RPS6KA2: variants seen among roughly 807,000 people sequenced by gnomAD.
RPS6KA2 encodes the protein ribosomal protein S6 kinase A2, also known as ribosomal protein S6 kinase alpha-2.
RPS6KA2 carries 42 observed loss-of-function variants against 91.8 expected under a neutral mutation model. The ratio of observed to expected loss-of-function variants is 0.46; its 90% CI spans 0.36 to 0.59. The LOEUF (loss-of-function observed/expected upper bound fraction) is 0.59, where lower values mean the gene tolerates loss of function less well. RPS6KA2 is among the 20% of genes least tolerant of loss of function. The probability of loss-of-function intolerance (pLI) is 0.00; values close to 1 mark genes in which losing one functional copy is unlikely to be tolerated. For missense variants in RPS6KA2, 798 were observed against 978.5 expected, an observed-to-expected ratio of 0.82 and a Z score of 2.46; for synonymous variants, 414 against 393.6, an observed-to-expected ratio of 1.05 and a Z score of -0.61.
chr6:166,561,900 A>G (rs1228931875), intron 1 of RPS6KA2, among the ~76,000 whole-genome samples: 1 of 152,088 alleles, frequency 6.6e-6, no homozygotes, highest in Non-Finnish European at 1.5e-5. Flanking sequence ...GGGAGGAGAG[A>G]GCGGCCACCA....
upstream of RPS6KA2, among the ~76,000 whole-genome samples, chr6:166,630,846 T>C (rs568047358): frequency 1.6e-4 from 24 of 152,264 alleles, no homozygotes; most frequent in Non-Finnish European, 3.2e-4. Flanking sequence ...TTCTTGAATG[T>C]AGGAATTAGT....
At chr6:166,425,553 C>T (rs920808762) in intron 16 of RPS6KA2, among the ~76,000 whole-genome samples, 4 of 152,068 alleles carry the variant, frequency 2.6e-5, no homozygotes, top group South Asian at 2.1e-4. Context: ...ATTCAGGAAA[C>T]GCATCTCACG....
chr6:166,845,794 C>T (rs547175209), intron 2 of RPS6KA2, among the ~76,000 whole-genome samples: 43 of 151,976 alleles, frequency 2.8e-4, no homozygotes, highest in Non-Finnish European at 5.6e-4. Flanking sequence ...TAAGGTCACA[C>T]CTCAAGGAAC....
intron 2 of RPS6KA2, among the ~76,000 whole-genome samples, chr6:166,789,594 T>A (rs1255801699): frequency 6.6e-6 from 1 of 152,176 alleles, no homozygotes; most frequent in Non-Finnish European, 1.5e-5. Context: ...CCCGAGCAGC[T>A]TAACTGGGAG....
chr6:166,844,314 A>G (rs9366062), intron 2 of RPS6KA2, among the ~76,000 whole-genome samples: 89,368 of 152,068 alleles, frequency 0.59, 27,378 homozygotes, highest in Middle Eastern at 0.73. Flanking sequence ...TGTTCCCGAG[A>G]AAGAAGAGAA....
chr6:166,620,753 C>A (rs1786595738), intron 1 of RPS6KA2, among the ~76,000 whole-genome samples: 2 of 152,258 alleles, frequency 1.3e-5, no homozygotes, highest in Admixed American at 1.3e-4. Flanking sequence ...GCACATTTCA[C>A]TGATGAAGCA....
At position 166,508,378 on chromosome 6, in the gene RPS6KA2, C is replaced by T. The variant is rs1369231991; in HGVS notation, c.380-96G>A. On this transcript the variant is annotated intron_variant, in intron 4 of 20. Transcript: ENST00000265678. The surrounding 1 kb of genome is among the most constrained non-coding windows in gnomAD (Gnocchi z 4.3). ...TCCCTGCTCACGGTGCTGCTTACTC[C>T]GGGAGGCTGAGTCACTTGAGAAACG... 1.2e-5 allele frequency: 10 copies of T among 808,714 alleles called. No homozygotes were observed. The highest frequency in any genetic ancestry group is 2.3e-4 in the Middle Eastern group (1 of 4,386). 50.1% of individuals were successfully genotyped at this position (808,714 alleles called of 1,614,324 possible). A position where few individuals can be genotyped will look rare whatever the true frequency, so the allele number is the denominator to read the frequency against.
rs1041153079 is a variant in RPS6KA2, at chr6:166,437,775, C to T, written c.1333-5285G>A. Among the ~76,000 whole-genome samples, 2 of 152,164 alleles carry T rather than the reference C, an allele frequency of 1.3e-5. No homozygotes were observed. Among genetic ancestry groups the T allele is most frequent in the African/African-American group, 2.4e-5 (1 of 41,422 alleles). ...AACAAACACTGCCATTCCTGCTGGC[C>T]GAAGGCGACAACAGGAGACTTCGCT... is the stretch of plus-strand genomic sequence containing the variant. On this transcript the variant is annotated intron_variant, in intron 14 of 20. Coordinates refer to ENST00000265678, the MANE Select transcript of RPS6KA2 (RefSeq NM_021135.6). The surrounding 1 kb of genome is among the most constrained non-coding windows in gnomAD (Gnocchi z 4.3).
At chr6:166,714,101 T>A (rs1035638218) in intron 2 of RPS6KA2, among the ~76,000 whole-genome samples, 1 of 152,218 alleles carries the variant, frequency 6.6e-6, no homozygotes, top group Non-Finnish European at 1.5e-5. Context: ...CAGTGATGAA[T>A]TATTCCTTCC....
intron 2 of RPS6KA2, among the ~76,000 whole-genome samples, chr6:166,705,926 A>G (rs749570079): frequency 6.6e-6 from 1 of 152,184 alleles, no homozygotes; most frequent in Non-Finnish European, 1.5e-5. Flanking sequence ...CAAAGCCCTC[A>G]TGAATGGGAT....
chr6:166,659,627 A>AGGAGAGTCATCT (rs1426934850), intron 2 of RPS6KA2, among the ~76,000 whole-genome samples: 2 of 152,242 alleles, frequency 1.3e-5, no homozygotes, highest in Admixed American at 1.3e-4. Flanking sequence ...CGTAAGGAGA[A>AGGAGAGTCATCT]GGAGAGTCAT....
At chr6:166,469,096 T>C (rs963149404) in intron 11 of RPS6KA2, among the ~76,000 whole-genome samples, 5 of 152,188 alleles carry the variant, frequency 3.3e-5, no homozygotes, top group African/African-American at 1.2e-4. Context: ...GCCTCCGAGT[T>C]TTAGCCGCGA....
At chr6:166,541,717 T>C (rs1488132347) in intron 1 of RPS6KA2, among the ~76,000 whole-genome samples, 4 of 152,206 alleles carry the variant, frequency 2.6e-5, no homozygotes, top group African/African-American at 9.6e-5. Flanking sequence ...AAGTTCACCT[T>C]CTTTAGTCAT....
At chr6:166,590,684 C>T (rs150021432) in intron 1 of RPS6KA2, among the ~76,000 whole-genome samples, 1 of 152,262 alleles carries the variant, frequency 6.6e-6, no homozygotes, top group East Asian at 1.9e-4. Context: ...CTGCAGTAAC[C>T]TTCTTACTAT....
intron 19 of RPS6KA2, among the ~76,000 whole-genome samples, chr6:166,414,281 T>C (rs1017765802): frequency 1.3e-5 from 2 of 152,242 alleles, no homozygotes; most frequent in African/African-American, 4.8e-5. Flanking sequence ...TAATTAATAT[T>C]CCACAGGTAG....
chr6:166,682,461 G>C (rs562587175), intron 2 of RPS6KA2, among the ~76,000 whole-genome samples: 6 of 152,312 alleles, frequency 3.9e-5, no homozygotes, highest in Middle Eastern at 6.8e-3. Flanking sequence ...GGCAGCACAG[G>C]GGAAGCATAG....
At chr6:166,691,198 G>A (rs1049070554) in intron 2 of RPS6KA2, among the ~76,000 whole-genome samples, 1 of 152,120 alleles carries the variant, frequency 6.6e-6, no homozygotes, top group Non-Finnish European at 1.5e-5. Flanking sequence ...ACGGCCCCGG[G>A]TTCTAGCCTC....
At position 166,433,491 on chromosome 6, in the gene RPS6KA2, G is replaced by T. The variant is rs759410061; in HGVS notation, c.1333-1001C>A. Among the ~76,000 whole-genome samples the T allele has an allele frequency of 3.9e-5, 6 of 152,172 alleles. No homozygotes were observed. The highest frequency in any genetic ancestry group is 8.8e-5 in the Non-Finnish European group (6 of 68,044). ...CTTGCCGCCCCTGCTGTGGGGACGG[G>T]ACCAGTGGGAGGAGGGCACCACACT... On this transcript the variant is annotated intron_variant, in intron 14 of 20. Coordinates refer to ENST00000265678, the MANE Select transcript of RPS6KA2 (RefSeq NM_021135.6). The surrounding 1 kb of genome is among the most constrained non-coding windows in gnomAD (Gnocchi z 4.4).
chr6:166,453,847 C>T (rs143974128), intron 12 of RPS6KA2, among the ~76,000 whole-genome samples: 159 of 152,258 alleles, frequency 1.0e-3, no homozygotes, highest in Non-Finnish European at 1.8e-3. Context: ...GGTACATATA[C>T]GCAATGGAAT....
Sources: gnomAD v4.1 joint callset for allele counts (sites outside exome capture counted in the v4.1 genomes callset) on GRCh38, gnomAD v4.1.1 for gene constraint, Gnocchi (gnomAD v3.1) non-coding constraint, MANE v1.5 for transcripts, NCBI Gene and HGNC (gene_info 2026-07-23, HGNC 2026-07-21) for gene names.